ABL1: variants seen among roughly 807,000 people sequenced by gnomAD.
The protein encoded by ABL1 is tyrosine-protein kinase ABL1.
ABL1 carries 11 observed loss-of-function variants against 94.7 expected under a neutral mutation model. The observed-to-expected ratio is 0.12, with a 90% confidence interval of 0.07 to 0.19. ABL1 has a LOEUF of 0.19. Ranked by LOEUF, ABL1 falls within the 10% of genes least tolerant of loss-of-function variation. The pLI, the probability that ABL1 is intolerant of heterozygous loss-of-function variation, is 1.00. For missense variants in ABL1, 1,082 were observed against 1,489.4 expected (o/e 0.73, Z 4.50); for synonymous variants, 656 against 622.4 (o/e 1.05, Z -0.80).
Position 130,835,458 on chromosome 9 carries a change from C to G in ABL1, c.12C>G (p.Ile4Met). 6.4e-7 allele frequency: 1 copy of G among 1,557,528 alleles called. No individual in the cohort carries two copies. The highest frequency in any genetic ancestry group is 8.7e-7 in the Non-Finnish European group (1 of 1,149,918). Residue 4 changes from isoleucine to methionine, a missense_variant, in exon 1 of 11, where the codon ATC (isoleucine) becomes ATG (methionine). Around this residue, in one of 7 missense-constraint regions of ABL1, gnomAD observed 65 missense variants for 80.8 expected, o/e 0.80. Transcript: ENST00000318560. This position sits in a 1 kb window ranked among gnomAD's most constrained non-coding sequence, Gnocchi z 4.6. ...GCTGGCGCGGGAAAATGTTGGAGAT[C>G]TGCCTGAAGCTGGTGGGCTGCAAAT... MLE[I>M]CLKLVGCKSK...
intron 1 of ABL1, among the ~76,000 whole-genome samples, chr9:130,781,067 C>T (rs1004045578): frequency 5.3e-5 from 8 of 152,108 alleles, no homozygotes; most frequent in African/African-American, 1.2e-4. Context: ...ATTCTGAAGA[C>T]GCAGTGAGTC....
At chr9:130,816,010 C>A (rs1042966311) in intron 1 of ABL1, among the ~76,000 whole-genome samples, 4 of 152,170 alleles carry the variant, frequency 2.6e-5, no homozygotes, top group Non-Finnish European at 5.9e-5. Context: ...AAGAGTGAGA[C>A]TCTGTCTCAA....
In ABL1 at chr9:130,789,778, T is replaced by TA. The variant is rs1226038339; in HGVS notation, c.137-64280dup. On this transcript the variant is annotated intron_variant, in intron 1 of 10. Coordinates refer to the ABL1 transcript ENST00000372348. The stretch of plus-strand genomic sequence containing the variant: ...GAAGTAAAAAGCATAATCATTGAGA[T>TA]AAAAAATTTATGGATTGGTTAAATG... Among the ~76,000 whole-genome samples the TA allele has an allele frequency of 2.6e-5, 4 of 152,292 alleles. No individual in the cohort carries two copies. The South Asian group carries it at 6.2e-4, about 24-fold the overall frequency.
upstream of ABL1, among the ~76,000 whole-genome samples, chr9:130,833,803 A>G (rs1250782529): frequency 6.6e-6 from 1 of 152,244 alleles, no homozygotes; most frequent in Non-Finnish European, 1.5e-5. Context: ...AGCCAAGTGA[A>G]GATCTTGTTA....
At chr9:130,842,232 T>G (rs1052902435) in intron 1 of ABL1, among the ~76,000 whole-genome samples, 1 of 152,164 alleles carries the variant, frequency 6.6e-6, no homozygotes. Context: ...ACTTCACATC[T>G]CTCTGTTTCC....
intron 1 of ABL1, among the ~76,000 whole-genome samples, chr9:130,728,556 T>C (rs1021329965): frequency 6.6e-6 from 1 of 151,640 alleles, no homozygotes; most frequent in East Asian, 1.9e-4. Flanking sequence ...CGGCTAATTT[T>C]TTTGTATGTT....
In ABL1 at chr9:130,843,767, C is replaced by T. The variant is rs146796354; in HGVS notation, c.79+8242C>T. ...TAGGGAGAGTAAATGGCACTTGTCA[C>T]AGTGCAGTCAGGAGAGGCAAGCAAC... On this transcript the variant is annotated intron_variant, in intron 1 of 10. Coordinates refer to ENST00000318560, the MANE Select transcript of ABL1 (RefSeq NM_005157.6). 1.3e-4 allele frequency among the ~76,000 whole-genome samples: 20 copies of T among 152,126 alleles called. 1 individual carries two copies. The highest frequency in any genetic ancestry group is 9.7e-4 in the East Asian group (5 of 5,162).
chr9:130,856,017 G>A (rs1318441766), intron 3 of ABL1, among the ~76,000 whole-genome samples: 1 of 152,186 alleles, frequency 6.6e-6, no homozygotes, highest in East Asian at 1.9e-4. Context: ...CCATGCTCAA[G>A]TGATCCTCCC....
chr9:130,788,211 A>G (rs1204359149), intron 1 of ABL1, among the ~76,000 whole-genome samples: 1 of 152,248 alleles, frequency 6.6e-6, no homozygotes, highest in Non-Finnish European at 1.5e-5. Context: ...GTATTTTGAA[A>G]TAATTTCAAA....
At chr9:130,876,015 A>G (rs35003809) in intron 7 of ABL1, among the ~76,000 whole-genome samples, 8,192 of 152,172 alleles carry the variant, frequency 0.054, 445 homozygotes, top group African/African-American at 0.14. Context: ...TTTAGTAGAG[A>G]CGGGGTTTTA....
chr9:130,797,142 A>G (rs1359423684), intron 1 of ABL1, among the ~76,000 whole-genome samples: 2 of 146,626 alleles, frequency 1.4e-5, no homozygotes, highest in African/African-American at 5.0e-5. Context: ...AGGGCGAGAC[A>G]GGAGAATCGC....
chr9:130,804,556 C>G (rs1203442218), intron 1 of ABL1, among the ~76,000 whole-genome samples: 1 of 152,154 alleles, frequency 6.6e-6, no homozygotes, highest in African/African-American at 2.4e-5. Context: ...TGCACTCCAG[C>G]CTGGGCAACA....
chr9:130,728,086 G>A (rs1286690880), intron 1 of ABL1, among the ~76,000 whole-genome samples: 1 of 151,908 alleles, frequency 6.6e-6, no homozygotes, highest in Non-Finnish European at 1.5e-5. Context: ...GTTTTTTGGA[G>A]ACAAGATCTC....
intron 1 of ABL1, among the ~76,000 whole-genome samples, chr9:130,738,416 G>A (rs1004940539): frequency 1.3e-5 from 2 of 152,126 alleles, no homozygotes; most frequent in Admixed American, 6.6e-5. Flanking sequence ...CTAGCAATCC[G>A]GAGTTTATAT....
In ABL1 at chr9:130,874,852, C is replaced by T; in HGVS notation, c.1086-16C>T. On this transcript the variant is annotated splice_polypyrimidine_tract_variant and intron_variant, in intron 6 of 10. Coordinates refer to ENST00000318560, the MANE Select transcript of ABL1 (RefSeq NM_005157.6). ...TTGGCCAGGAGCTCTCATGGGTGAA[C>T]ATTTTCCTTTCTTAGAGATCTTGCT... is the stretch of plus-strand genomic sequence containing the variant. The T allele has an allele frequency of 6.2e-7, 1 of 1,613,792 alleles. No individual in the cohort carries two copies. The highest frequency in any genetic ancestry group is 1.1e-5 in the South Asian group (1 of 91,014).
chr9:130,807,247 G>A (rs961739362), intron 1 of ABL1, among the ~76,000 whole-genome samples: 1 of 152,044 alleles, frequency 6.6e-6, no homozygotes, highest in Non-Finnish European at 1.5e-5. Flanking sequence ...TGTGTACTCC[G>A]TAACAGAATT....
intron 1 of ABL1, among the ~76,000 whole-genome samples, chr9:130,739,483 AACAT>A (rs891680598): frequency 6.6e-6 from 1 of 152,196 alleles, no homozygotes; most frequent in Non-Finnish European, 1.5e-5. Flanking sequence ...TTATAAAAAC[AACAT>A]ACATTTTTGT....
chr9:130,782,249 C>T (rs745862886), intron 1 of ABL1, among the ~76,000 whole-genome samples: 3 of 151,930 alleles, frequency 2.0e-5, no homozygotes, highest in African/African-American at 4.8e-5. Context: ...TTAGTAGAGA[C>T]GGGGTTTTGC....
At chr9:130,806,548 G>A (rs1422340795) in intron 1 of ABL1, among the ~76,000 whole-genome samples, 1 of 152,172 alleles carries the variant, frequency 6.6e-6, no homozygotes, top group Non-Finnish European at 1.5e-5. Flanking sequence ...GTGCAGTGAT[G>A]CACGCCTGTA....
Sources: allele counts gnomAD v4.1 joint callset (sites outside exome capture counted in the v4.1 genomes callset), GRCh38; gene constraint gnomAD v4.1.1; regional missense constraint gnomAD v4.1.1; non-coding constraint Gnocchi (gnomAD v3.1); transcripts MANE v1.5; gene names NCBI Gene and HGNC (gene_info 2026-07-23, HGNC 2026-07-21).